Variants in NAALADL2 observed in about 807,000 individuals in gnomAD.
NAALADL2 encodes the protein N-acetylated alpha-linked acidic dipeptidase like 2.
NAALADL2 carries 76 observed loss-of-function variants against 87.2 expected under a neutral mutation model. That is an observed-to-expected ratio of 0.87 (90% confidence interval 0.72 to 1.05). NAALADL2 has a LOEUF of 1.05. Ranked by LOEUF, NAALADL2 falls within the 50% of genes least tolerant of loss-of-function variation. The probability of loss-of-function intolerance (pLI) is 0.00; values close to 1 mark genes in which losing one functional copy is unlikely to be tolerated. For synonymous variants in NAALADL2, 354 were observed against 331.0 expected (o/e 1.07, Z -0.75); for missense variants, 1,089 against 945.8 (o/e 1.15, Z -1.99).
intron 2 of NAALADL2, among the ~76,000 whole-genome samples, chr3:175,208,868 G>A (rs1448319797): frequency 1.3e-5 from 2 of 152,058 alleles, no homozygotes; most frequent in South Asian, 2.1e-4. Flanking sequence ...AGGATTATAC[G>A]GGTCAGTCCA....
intron 1 of NAALADL2, among the ~76,000 whole-genome samples, chr3:174,546,939 G>T (rs1399097539): frequency 6.6e-6 from 1 of 152,078 alleles, no homozygotes; most frequent in Admixed American, 6.6e-5. Flanking sequence ...TTCATGTGTA[G>T]TACTTTTTTT....
intron 4 of NAALADL2, among the ~76,000 whole-genome samples, chr3:175,276,211 T>C (rs1304043804): frequency 6.6e-6 from 1 of 152,006 alleles, no homozygotes; most frequent in Non-Finnish European, 1.5e-5. Context: ...ATTTCCAAGT[T>C]TATTCAACTC....
chr3:175,567,464 A>G (rs1017963662), intron 9 of NAALADL2, among the ~76,000 whole-genome samples: 2 of 152,152 alleles, frequency 1.3e-5, no homozygotes, highest in African/African-American at 4.8e-5. Context: ...TATTTCAAAT[A>G]TAAAAGAACA....
chr3:175,168,523 T>C (rs533815010), intron 2 of NAALADL2, among the ~76,000 whole-genome samples: 1 of 151,966 alleles, frequency 6.6e-6, no homozygotes, highest in East Asian at 1.9e-4. Context: ...TTAAAAATAA[T>C]TGTTCATATG....
intron 1 of NAALADL2, among the ~76,000 whole-genome samples, chr3:175,086,401 G>A (rs2061009902): frequency 6.6e-6 from 1 of 151,050 alleles, no homozygotes; most frequent in African/African-American, 2.4e-5. Flanking sequence ...AAAAATAGAG[G>A]GAGCATTACA....
intron 3 of NAALADL2, among the ~76,000 whole-genome samples, chr3:174,845,830 C>A (rs752263655): frequency 8.5e-5 from 13 of 152,130 alleles, no homozygotes; most frequent in Admixed American, 5.9e-4. Context: ...AGGGGAATTG[C>A]TACTGCAGGC....
intron 13 of NAALADL2, among the ~76,000 whole-genome samples, chr3:175,800,181 G>C (rs1297643458): frequency 6.6e-6 from 1 of 152,120 alleles, no homozygotes; most frequent in East Asian, 1.9e-4. Context: ...GGCAGGTGGA[G>C]TTGTTCCCAG....
chr3:175,141,335 G>A (rs1729963360), intron 2 of NAALADL2, among the ~76,000 whole-genome samples: 2 of 152,036 alleles, frequency 1.3e-5, no homozygotes, highest in African/African-American at 4.8e-5. Flanking sequence ...CAGTTATGGG[G>A]ACCACTGTTG....
intron 11 of NAALADL2, among the ~76,000 whole-genome samples, chr3:175,730,692 A>G (rs1348044757): frequency 6.6e-6 from 1 of 151,512 alleles, no homozygotes; most frequent in East Asian, 1.9e-4. Context: ...GTGATTATTA[A>G]CTCAGTTTTC....
At chr3:175,006,774 C>A (rs182426901) in intron 1 of NAALADL2, among the ~76,000 whole-genome samples, 73 of 151,574 alleles carry the variant, frequency 4.8e-4, no homozygotes, top group African/African-American at 1.7e-3. Context: ...TTGAAAAGTT[C>A]CTTTGTCAAA....
At chr3:175,040,620 C>T (rs1210692958) in intron 1 of NAALADL2, among the ~76,000 whole-genome samples, 1 of 152,156 alleles carries the variant, frequency 6.6e-6, no homozygotes. Context: ...CTCTATAACA[C>T]TAATAACCTT....
intron 2 of NAALADL2, among the ~76,000 whole-genome samples, chr3:174,687,555 A>G (rs1728163346): frequency 6.6e-6 from 1 of 152,146 alleles, no homozygotes; most frequent in Non-Finnish European, 1.5e-5. Flanking sequence ...GTGTCCTGGT[A>G]AATGTTAACA....
At chr3:174,561,123 G>A (rs765558737) in intron 2 of NAALADL2, among the ~76,000 whole-genome samples, 1 of 151,974 alleles carries the variant, frequency 6.6e-6, no homozygotes. Context: ...CCAAGAGCAG[G>A]GTGATCAGTG....
At chr3:174,450,869 C>CAAAAAAAAA (rs761513802) in intron 1 of NAALADL2, among the ~76,000 whole-genome samples, 37 of 74,818 alleles carry the variant, frequency 4.9e-4, no homozygotes, top group Non-Finnish European at 8.3e-4. Context: ...GACTCTGTCT[C>CAAAAAAAAA]AAAAAAAAAA....
chr3:175,402,163 G>A (rs1450696415), intron 5 of NAALADL2, among the ~76,000 whole-genome samples: 1 of 151,948 alleles, frequency 6.6e-6, no homozygotes. Context: ...GTATTATGGG[G>A]CACTGAATGG....
chr3:175,698,367 A>ATGTATGTGTATTTATGTATGTGTATATG (rs1738353797), intron 11 of NAALADL2, among the ~76,000 whole-genome samples: 1 of 115,128 alleles, frequency 8.7e-6, no homozygotes, highest in Non-Finnish European at 1.7e-5. Context: ...ATGTGTATAT[A>ATGTATGTGTATTTATGTATGTGTATATG]TGTATGTGTA....
intron 2 of NAALADL2, 94 bp from the exon 3 acceptor site, chr3:175,233,837 A>G (rs995726419): frequency 1.4e-6 from 1 of 690,050 alleles, no homozygotes; most frequent in Non-Finnish European, 2.4e-6. Flanking sequence ...ATTCCACAAC[A>G]TCTATTAATA....
chr3:175,520,348 G>T (rs2149416626), intron 9 of NAALADL2, among the ~76,000 whole-genome samples: 1 of 134,364 alleles, frequency 7.4e-6, no homozygotes, highest in South Asian at 2.3e-4. Context: ...CCAGACTGCG[G>T]ACTGCAGTGG....
chr3:174,860,674 T>A (rs1579242475), intron 1 of NAALADL2, among the ~76,000 whole-genome samples: 1 of 152,234 alleles, frequency 6.6e-6, no homozygotes, highest in East Asian at 1.9e-4. Context: ...GCTGTGTGGG[T>A]GCATCACCTG....
Sources: gnomAD v4.1 joint callset for allele counts (sites outside exome capture counted in the v4.1 genomes callset) on GRCh38, gnomAD v4.1.1 for gene constraint, MANE v1.5 for transcripts, NCBI Gene and HGNC (gene_info 2026-07-23, HGNC 2026-07-21) for gene names.